The following CDKAL1 variants were observed in gnomAD, a reference collection of about 807,000 sequenced individuals.
CDKAL1 encodes CDKAL1 threonylcarbamoyladenosine tRNA methylthiotransferase.
CDKAL1 carries 32 observed loss-of-function variants against 68.2 expected under a neutral mutation model. The observed-to-expected ratio is 0.47, with a 90% CI of 0.35 to 0.63. The LOEUF is 0.63. CDKAL1 is among the 30% of genes least tolerant of loss of function. The probability of loss-of-function intolerance (pLI) is 0.00; values close to 1 mark genes in which losing one functional copy is unlikely to be tolerated. For synonymous variants in CDKAL1, 234 were observed against 244.3 expected (o/e 0.96, Z 0.39); for missense variants, 606 against 696.7 (o/e 0.87, Z 1.47).
intron 5 of CDKAL1, among the ~76,000 whole-genome samples, chr6:20,671,754 G>T (rs1393650050): frequency 6.6e-6 from 1 of 151,588 alleles, no homozygotes; most frequent in Non-Finnish European, 1.5e-5. Flanking sequence ...TAGTGATGGG[G>T]TCTCGTTATA....
At chr6:20,964,737 A>G (rs753488184) in intron 10 of CDKAL1, among the ~76,000 whole-genome samples, 1 of 152,140 alleles carries the variant, frequency 6.6e-6, no homozygotes, top group Non-Finnish European at 1.5e-5. Flanking sequence ...ACAAACCCCC[A>G]TGACACAAGT....
intron 13 of CDKAL1, among the ~76,000 whole-genome samples, chr6:21,166,573 C>G (rs1333471961): frequency 6.6e-6 from 1 of 152,098 alleles, no homozygotes; most frequent in Non-Finnish European, 1.5e-5. Flanking sequence ...TAGGCCAGGT[C>G]CTTTGACATG....
At chr6:20,663,600 G>A (rs1394700552) in intron 5 of CDKAL1, among the ~76,000 whole-genome samples, 1 of 152,038 alleles carries the variant, frequency 6.6e-6, no homozygotes, top group Non-Finnish European at 1.5e-5. Context: ...TTGGACACAC[G>A]TATTTTTTAA....
At chr6:20,749,877 T>G (rs910572461) in intron 6 of CDKAL1, among the ~76,000 whole-genome samples, 1 of 151,722 alleles carries the variant, frequency 6.6e-6, no homozygotes, top group Non-Finnish European at 1.5e-5. Flanking sequence ...CCTTTTTTGT[T>G]TTTTTTTAAA....
At chr6:20,661,143 T>C (rs1330861421) in intron 5 of CDKAL1, among the ~76,000 whole-genome samples, 1 of 152,226 alleles carries the variant, frequency 6.6e-6, no homozygotes, top group East Asian at 1.9e-4. Flanking sequence ...ATTGAGTTAC[T>C]TATTCACTGA....
At chr6:21,115,988 A>G (rs1774389095) in intron 13 of CDKAL1, among the ~76,000 whole-genome samples, 2 of 152,218 alleles carry the variant, frequency 1.3e-5, no homozygotes, top group Admixed American at 1.3e-4. Flanking sequence ...ATCCTCATCA[A>G]TGCCAACCTA....
At chr6:20,552,172 ACCCTGG>A (rs1300130300) in intron 4 of CDKAL1, among the ~76,000 whole-genome samples, 2 of 149,560 alleles carry the variant, frequency 1.3e-5, no homozygotes, top group Non-Finnish European at 3.0e-5. Context: ...ACATAGTGAG[ACCCTGG>A]CCCTGCAAAA....
chr6:20,809,265 G>C (rs1236515374), intron 8 of CDKAL1, among the ~76,000 whole-genome samples: 4 of 152,220 alleles, frequency 2.6e-5, no homozygotes, highest in Admixed American at 2.0e-4. Flanking sequence ...TAACGCAGTG[G>C]GTATTTCAAG....
At chr6:21,166,863 C>T (rs1299732626) in intron 13 of CDKAL1, among the ~76,000 whole-genome samples, 1 of 152,206 alleles carries the variant, frequency 6.6e-6, no homozygotes, top group African/African-American at 2.4e-5. Context: ...TTCATATCTA[C>T]ATCAGTGCCG....
chr6:20,958,842 C>G (rs1347085292), intron 10 of CDKAL1, among the ~76,000 whole-genome samples: 4 of 152,074 alleles, frequency 2.6e-5, no homozygotes, highest in Non-Finnish European at 5.9e-5. Context: ...TCATTCTGTT[C>G]ACTTCTTATT....
intron 4 of CDKAL1, among the ~76,000 whole-genome samples, chr6:20,594,163 G>A (rs914268323): frequency 6.6e-6 from 1 of 152,204 alleles, no homozygotes; most frequent in South Asian, 2.1e-4. Flanking sequence ...TTGATTTGGG[G>A]TGGAGAGTTC....
At chr6:21,185,353 C>T (rs954235230) in intron 13 of CDKAL1, among the ~76,000 whole-genome samples, 4 of 152,132 alleles carry the variant, frequency 2.6e-5, no homozygotes, top group Admixed American at 2.0e-4. Context: ...CCCATTCAAT[C>T]CTTCCACCTA....
At chr6:20,604,213 A>G (rs1766233919) in intron 4 of CDKAL1, among the ~76,000 whole-genome samples, 1 of 152,202 alleles carries the variant, frequency 6.6e-6, no homozygotes, top group African/African-American at 2.4e-5. Context: ...CAGTGGACCC[A>G]TGAAAAGGTG....
chr6:20,603,200 T>A (rs1455195492), intron 4 of CDKAL1, among the ~76,000 whole-genome samples: 1 of 152,210 alleles, frequency 6.6e-6, no homozygotes, highest in Non-Finnish European at 1.5e-5. Flanking sequence ...CTGCTGATAA[T>A]GATTCTTCTT....
intron 8 of CDKAL1, among the ~76,000 whole-genome samples, chr6:20,785,078 A>G (rs1298521902): frequency 6.6e-6 from 1 of 152,076 alleles, no homozygotes; most frequent in Non-Finnish European, 1.5e-5. Context: ...ATCCTCTTGT[A>G]TCCTTCACAT....
At chr6:20,861,320 C>T (rs978154209) in intron 9 of CDKAL1, among the ~76,000 whole-genome samples, 5 of 152,224 alleles carry the variant, frequency 3.3e-5, no homozygotes, top group Middle Eastern at 6.8e-3. Context: ...GAGAAGGTCC[C>T]GTCTGATTAA....
intron 9 of CDKAL1, among the ~76,000 whole-genome samples, chr6:20,872,993 A>G (rs1357441826): frequency 6.6e-6 from 1 of 152,206 alleles, no homozygotes; most frequent in Non-Finnish European, 1.5e-5. Context: ...AGCATGTCTT[A>G]TAGGGAAGGG....
chr6:21,124,462 A>G (rs1582249003), intron 13 of CDKAL1, among the ~76,000 whole-genome samples: 1 of 151,954 alleles, frequency 6.6e-6, no homozygotes, highest in African/African-American at 2.4e-5. Flanking sequence ...CAGCCCCACT[A>G]TATCCAGGAC....
At chr6:21,216,301 G>C (rs1237875614) in intron 15 of CDKAL1, among the ~76,000 whole-genome samples, 3 of 152,160 alleles carry the variant, frequency 2.0e-5, no homozygotes, top group Non-Finnish European at 2.9e-5. Flanking sequence ...TGTAAAAAAT[G>C]AGAAGGTGTA....
Sources: allele counts gnomAD v4.1 joint callset (sites outside exome capture counted in the v4.1 genomes callset), GRCh38; gene constraint gnomAD v4.1.1; transcripts MANE v1.5; gene names NCBI Gene and HGNC (gene_info 2026-07-23, HGNC 2026-07-21).